Variants in GPC6 observed in about 807,000 individuals in gnomAD.
GPC6 encodes glypican-6.
GPC6 carries 14 observed loss-of-function variants against 55.2 expected under a neutral mutation model. The observed-to-expected ratio is 0.25, with a 90% CI of 0.17 to 0.40. The LOEUF is 0.40. Among genes scored for constraint, GPC6 ranks in the 10% least tolerant of loss-of-function variants. The pLI is 1.00. For synonymous variants in GPC6, 278 were observed against 259.6 expected, an observed-to-expected ratio of 1.07 and a Z score of -0.68; for missense variants, 641 against 708.5, an observed-to-expected ratio of 0.90 and a Z score of 1.08.
chr13:93,492,733 G>C (rs1047174337), intron 1 of GPC6, among the ~76,000 whole-genome samples: 18 of 151,128 alleles, frequency 1.2e-4, no homozygotes, highest in African/African-American at 3.4e-4. Context: ...TAGCATGAAG[G>C]GTTGTTGAAT....
intron 1 of GPC6, among the ~76,000 whole-genome samples, chr13:93,543,631 T>C: frequency 6.6e-6 from 1 of 152,296 alleles, no homozygotes; most frequent in East Asian, 1.9e-4. Context: ...CTGGTAGAAT[T>C]CGGCTGTGAA....
chr13:94,236,441 T>C (rs1294185960), intron 4 of GPC6, among the ~76,000 whole-genome samples: 4 of 152,122 alleles, frequency 2.6e-5, no homozygotes, highest in African/African-American at 4.8e-5. Context: ...AGACAGGAAC[T>C]AAATATTAAG....
chr13:94,083,285 A>AT (rs1478320887), intron 4 of GPC6, among the ~76,000 whole-genome samples: 16 of 151,870 alleles, frequency 1.1e-4, no homozygotes, highest in East Asian at 1.9e-4. Flanking sequence ...CACCCGTCTA[A>AT]TTTTTTGTAT....
chr13:93,719,445 CTT>C (rs1431236328), intron 2 of GPC6, among the ~76,000 whole-genome samples: 4 of 152,022 alleles, frequency 2.6e-5, no homozygotes, highest in African/African-American at 7.2e-5. Flanking sequence ...TATCCTGAAA[CTT>C]TGCTGAAGTT....
chr13:93,347,157 G>A (rs770757463), intron 1 of GPC6, among the ~76,000 whole-genome samples: 1 of 152,090 alleles, frequency 6.6e-6, no homozygotes, highest in Non-Finnish European at 1.5e-5. Flanking sequence ...CCACACTAAA[G>A]TTTTATAGAA....
chr13:93,328,988 A>AAAGACC (rs1879750800), intron 1 of GPC6, among the ~76,000 whole-genome samples: 1 of 152,164 alleles, frequency 6.6e-6, no homozygotes, highest in Non-Finnish European at 1.5e-5. Context: ...TATATAGGTC[A>AAAGACC]AAGACCAGGG....
chr13:93,550,047 A>ATC (rs1412054463), intron 2 of GPC6, among the ~76,000 whole-genome samples: 1 of 152,186 alleles, frequency 6.6e-6, no homozygotes, highest in Non-Finnish European at 1.5e-5. Flanking sequence ...ATCTACCCAT[A>ATC]TCTTTGAGAA....
At chr13:93,368,251 C>A (rs1340135561) in intron 1 of GPC6, among the ~76,000 whole-genome samples, 1 of 151,320 alleles carries the variant, frequency 6.6e-6, no homozygotes, top group Non-Finnish European at 1.5e-5. Context: ...TCCCTCCCTA[C>A]TCCTTTGCCT....
At chr13:94,210,085 C>A (rs1566546691) in intron 4 of GPC6, among the ~76,000 whole-genome samples, 1 of 151,812 alleles carries the variant, frequency 6.6e-6, no homozygotes, top group Non-Finnish European at 1.5e-5. Context: ...TGGTATCAAG[C>A]AATCCTCCCT....
At chr13:93,216,668 A>C in the GPC6 span, among the ~76,000 whole-genome samples, 1 of 152,164 alleles carries the variant, frequency 6.6e-6, no homozygotes, top group African/African-American at 2.4e-5. Context: ...GCAATGACCA[A>C]GAATTAGATG....
rs926312985 is a variant in GPC6 at position 94,298,587 on chromosome 13, A to C, written c.1009-7393A>C. Among the ~76,000 whole-genome samples the C allele has an allele frequency of 5.3e-5, 8 of 152,370 alleles. No individual in the cohort carries two copies. The East Asian group carries it at 1.3e-3, about 26-fold the overall frequency. ...GCTCTGATAGCTCTCCCACGGGCCA[A>C]TCAGGAAGCCAATCTAACTATTTTG... On this transcript the variant is annotated intron_variant, in intron 5 of 8. Coordinates refer to ENST00000377047, the MANE Select transcript of GPC6 (RefSeq NM_005708.5).
chr13:94,322,121 T>A (rs892855770), intron 6 of GPC6, among the ~76,000 whole-genome samples: 2 of 152,190 alleles, frequency 1.3e-5, no homozygotes, highest in African/African-American at 4.8e-5. Context: ...GATAATTGAA[T>A]CATGGGGGCA....
chr13:93,349,185 T>C (rs1027611381), intron 1 of GPC6, among the ~76,000 whole-genome samples: 56 of 152,214 alleles, frequency 3.7e-4, no homozygotes, highest in African/African-American at 1.3e-3. Flanking sequence ...TAGGAACTCA[T>C]TTGACAAGTT....
At chr13:93,688,122 A>G (rs981104361) in intron 2 of GPC6, among the ~76,000 whole-genome samples, 7 of 152,066 alleles carry the variant, frequency 4.6e-5, no homozygotes, top group South Asian at 2.1e-4. Context: ...TTTGCTGTCA[A>G]CGTTTCAATT....
chr13:94,326,846 TGCAAACACGG>T (rs1178464221), intron 6 of GPC6, among the ~76,000 whole-genome samples: 1 of 152,248 alleles, frequency 6.6e-6, no homozygotes, highest in Non-Finnish European at 1.5e-5. Context: ...CTTTCCAGCT[TGCAAACACGG>T]GCACTCTGTG....
chr13:93,253,936 A>T (rs546263872), intron 1 of GPC6, among the ~76,000 whole-genome samples: 4 of 152,316 alleles, frequency 2.6e-5, no homozygotes, highest in African/African-American at 9.6e-5. Flanking sequence ...ATCACATATG[A>T]TTATCCCTGC....
intron 6 of GPC6, among the ~76,000 whole-genome samples, chr13:94,374,007 C>A (rs1324538063): frequency 6.6e-6 from 1 of 151,976 alleles, no homozygotes; most frequent in Non-Finnish European, 1.5e-5. Context: ...TACAGACAAG[C>A]AAATGCTGAG....
At chr13:93,908,245 G>T (rs1405183175) in intron 3 of GPC6, among the ~76,000 whole-genome samples, 1 of 152,158 alleles carries the variant, frequency 6.6e-6, no homozygotes, top group Non-Finnish European at 1.5e-5. Context: ...CAGATTAAAA[G>T]AGAAAGGAAT....
chr13:93,761,599 C>G (rs976645308), intron 2 of GPC6, among the ~76,000 whole-genome samples: 4 of 152,086 alleles, frequency 2.6e-5, no homozygotes, highest in African/African-American at 9.7e-5. Flanking sequence ...TCCCTGCAAC[C>G]TAGAGCTCCT....
Sources: allele counts gnomAD v4.1 joint callset (sites outside exome capture counted in the v4.1 genomes callset), GRCh38; gene constraint gnomAD v4.1.1; transcripts MANE v1.5; gene names NCBI Gene and HGNC (gene_info 2026-07-23, HGNC 2026-07-21).